OSBPL9: variants seen among roughly 807,000 people sequenced by gnomAD.
OSBPL9 encodes the protein oxysterol-binding protein-related protein 9.
In OSBPL9, 40 loss-of-function variants were observed where a neutral mutation model predicts 106.6. That is an observed-to-expected ratio of 0.38 (90% CI 0.29 to 0.49). The LOEUF is 0.49. Ranked by LOEUF, OSBPL9 falls within the 20% of genes least tolerant of loss-of-function variation. The pLI, the probability that OSBPL9 is intolerant of heterozygous loss-of-function variation, is 0.97. For synonymous variants in OSBPL9, 269 were observed against 295.4 expected, an observed-to-expected ratio of 0.91 and a Z score of 0.92; for missense variants, 609 against 887.2, an observed-to-expected ratio of 0.69 and a Z score of 3.98.
chr1:51,750,477 T>A (rs886396632), intron 8 of OSBPL9, among the ~76,000 whole-genome samples: 1 of 152,192 alleles, frequency 6.6e-6, no homozygotes, highest in Non-Finnish European at 1.5e-5. Context: ...CAGGGACATA[T>A]TTTACAAAAC....
chr1:51,678,515 G>A (rs1260660760), intron 3 of OSBPL9, among the ~76,000 whole-genome samples: 10 of 151,982 alleles, frequency 6.6e-5, no homozygotes, highest in Non-Finnish European at 1.5e-4. Flanking sequence ...GCAAAAATAG[G>A]CCGGGCATGG....
chr1:51,559,128 G>A, the OSBPL9 span, among the ~76,000 whole-genome samples: 2 of 152,256 alleles, frequency 1.3e-5, no homozygotes, highest in South Asian at 4.1e-4. Context: ...ACCAAGGAGG[G>A]ATGGGGAGGG....
intron 1 of OSBPL9, among the ~76,000 whole-genome samples, chr1:51,596,318 T>C (rs1038470328): frequency 6.7e-6 from 1 of 149,388 alleles, no homozygotes; most frequent in Admixed American, 6.7e-5. Context: ...TCCCAGCACT[T>C]TGGGAAGCTG....
chr1:51,555,093 G>A, the OSBPL9 span, among the ~76,000 whole-genome samples: 2 of 152,206 alleles, frequency 1.3e-5, no homozygotes, highest in African/African-American at 2.4e-5. Context: ...AGAAGGTTGT[G>A]AAGTAACTTT....
intron 3 of OSBPL9, among the ~76,000 whole-genome samples, chr1:51,712,148 C>T (rs1285769706): frequency 7.9e-5 from 12 of 152,294 alleles, no homozygotes; most frequent in South Asian, 2.1e-4. Flanking sequence ...AACGAGACTC[C>T]GTCTGCAATC....
chr1:51,613,204 C>T (rs1472872977), upstream of OSBPL9, among the ~76,000 whole-genome samples: 1 of 152,178 alleles, frequency 6.6e-6, no homozygotes, highest in African/African-American at 2.4e-5. Flanking sequence ...TGGAGGGATA[C>T]TAATGAACAC....
chr1:51,605,366 G>A (rs57938041), intron 2 of OSBPL9, among the ~76,000 whole-genome samples: 89 of 152,268 alleles, frequency 5.8e-4, no homozygotes, highest in African/African-American at 2.0e-3. Flanking sequence ...AGAGGCAGGA[G>A]GATAGCTTGA....
chr1:51,576,691 A>C (rs1299496922), upstream of OSBPL9, among the ~76,000 whole-genome samples: 3 of 151,820 alleles, frequency 2.0e-5, no homozygotes, highest in Non-Finnish European at 4.4e-5. Context: ...ACACCTGGCT[A>C]ATTTTTTGAT....
chr1:51,634,024 T>C (rs1645271495), intron 1 of OSBPL9, among the ~76,000 whole-genome samples: 1 of 152,196 alleles, frequency 6.6e-6, no homozygotes, highest in African/African-American at 2.4e-5. Context: ...CCATTCTAAA[T>C]TGGAGTCTAT....
At chr1:51,712,220 G>A (rs915229512) in intron 3 of OSBPL9, among the ~76,000 whole-genome samples, 35 of 152,350 alleles carry the variant, frequency 2.3e-4, no homozygotes, top group East Asian at 1.9e-3. Flanking sequence ...AGACCGGCCC[G>A]GCCAACACAG....
chr1:51,543,754 G>T, the OSBPL9 span, among the ~76,000 whole-genome samples: 5 of 152,320 alleles, frequency 3.3e-5, no homozygotes, highest in South Asian at 8.3e-4. Flanking sequence ...CTAACTCAAA[G>T]CAGAGAAGAA....
chr1:51,774,950 A>G (rs1344908800), intron 14 of OSBPL9, among the ~76,000 whole-genome samples: 3 of 152,136 alleles, frequency 2.0e-5, no homozygotes, highest in Non-Finnish European at 2.9e-5. Context: ...TTGTCCATTT[A>G]TCTACTGGAG....
chr1:51,580,203 G>T (rs966118071), intron 1 of OSBPL9, among the ~76,000 whole-genome samples: 1 of 152,182 alleles, frequency 6.6e-6, no homozygotes, highest in Admixed American at 6.5e-5. Flanking sequence ...GCCTTGTGGG[G>T]TGGTGAACAG....
At chr1:51,667,641 A>G (rs1648830025) in intron 2 of OSBPL9, among the ~76,000 whole-genome samples, 1 of 152,216 alleles carries the variant, frequency 6.6e-6, no homozygotes, top group African/African-American at 2.4e-5. Flanking sequence ...TATTGCATAT[A>G]TTTTGGTATT....
At chr1:51,675,221 T>TA (rs1383452582) in intron 3 of OSBPL9, among the ~76,000 whole-genome samples, 1 of 152,174 alleles carries the variant, frequency 6.6e-6, no homozygotes, top group African/African-American at 2.4e-5. Flanking sequence ...TATGGCTGTG[T>TA]AAAGACTAGC....
At chr1:51,719,904 A>G (rs1303702850) in intron 4 of OSBPL9, among the ~76,000 whole-genome samples, 4 of 152,258 alleles carry the variant, frequency 2.6e-5, no homozygotes, top group Non-Finnish European at 5.9e-5. Context: ...TACAATGTGC[A>G]AATGGTACTC....
chr1:51,600,139 T>C (rs1645319823), intron 2 of OSBPL9, among the ~76,000 whole-genome samples: 1 of 152,208 alleles, frequency 6.6e-6, no homozygotes, highest in South Asian at 2.1e-4. Context: ...CATATGAATT[T>C]TGGAGGGACA....
At chr1:51,767,310 T>A (rs1208370635) in intron 12 of OSBPL9, among the ~76,000 whole-genome samples, 1 of 151,930 alleles carries the variant, frequency 6.6e-6, no homozygotes, top group East Asian at 1.9e-4. Context: ...GGAGAATCTC[T>A]TGAACACAGG....
At chr1:51,540,524 C>T in the OSBPL9 span, among the ~76,000 whole-genome samples, 4 of 151,900 alleles carry the variant, frequency 2.6e-5, no homozygotes, top group South Asian at 2.1e-4. Flanking sequence ...CGTGGTGGCG[C>T]ACGCCTGCAG....
Sources: allele counts gnomAD v4.1 joint callset (sites outside exome capture counted in the v4.1 genomes callset), GRCh38; gene constraint gnomAD v4.1.1; transcripts MANE v1.5; gene names NCBI Gene and HGNC (gene_info 2026-07-23, HGNC 2026-07-21).